The following DUS2 variants were observed in gnomAD, a reference collection of about 807,000 sequenced individuals.
The protein encoded by DUS2 is tRNA-dihydrouridine(20) synthase [NAD(P)+]-like.
Under a neutral mutation model 71.3 loss-of-function variants are expected in DUS2, and 52 were observed. The ratio of observed to expected loss-of-function variants is 0.73; its 90% CI spans 0.58 to 0.92. The LOEUF is 0.92. DUS2 is among the 40% of genes least tolerant of loss of function. DUS2 has a pLI of 0.00. For missense variants in DUS2, 558 were observed against 622.6 expected, an observed-to-expected ratio of 0.90 and a Z score of 1.10; for synonymous variants, 204 against 227.8, an observed-to-expected ratio of 0.90 and a Z score of 0.94.
rs1567484975 is a variant in DUS2, at chr16:68,078,822, CG to C, written c.1320del (p.Leu441TrpfsTer28). 6.2e-7 allele frequency: 1 copy of C among 1,613,338 alleles called. No homozygotes were observed. Reference sequence around the variant, plus strand: ...GCGGAGCCAGGGCCTCCCTGAGGGTCGGCTGGGTGAGGAGAGCCCTTCCTTG... The same window carrying C: ...GCGGAGCCAGGGCCTCCCTGAGGGTCGCTGGGTGAGGAGAGCCCTTCCTTG... The part of the protein sequence containing the change: ...CLRSQGLPEG[R>X]LGEESPSLHK... On this transcript the variant is annotated frameshift_variant, in exon 17 of 17. Coordinates refer to ENST00000565263, the MANE Select transcript of DUS2 (RefSeq NM_017803.5). LOFTEE classifies it high-confidence loss of function.
intron 2 of DUS2, among the ~76,000 whole-genome samples, chr16:68,028,554 G>C (rs564472744): frequency 1.1e-4 from 17 of 152,230 alleles, no homozygotes; most frequent in Admixed American, 4.6e-4. Context: ...CAAGAGAATT[G>C]CTTGAACCCG....
chr16:68,050,756 T>G (rs1319027012), intron 4 of DUS2, among the ~76,000 whole-genome samples: 4 of 152,212 alleles, frequency 2.6e-5, no homozygotes, highest in Non-Finnish European at 5.9e-5. Flanking sequence ...TGCCATTTAC[T>G]TATCTACTAG....
At chr16:68,078,172 C>A in intron 15 of DUS2, 1 of 484,584 alleles carries the variant, frequency 2.1e-6, no homozygotes, top group South Asian at 2.3e-5. Context: ...CCTGGCCTAT[C>A]CAGATGTCAG....
At chr16:68,049,626 G>A in intron 4 of DUS2, 76 bp downstream of exon 4, 1 of 1,379,952 alleles carries the variant, frequency 7.2e-7, no homozygotes, top group Non-Finnish European at 1.0e-6. Context: ...CCCTTGCCTG[G>A]GGTGACAGTG....
chr16:68,078,507 G>A lies in DUS2; in HGVS notation c.1233G>A (p.Gln411=), dbSNP rs1039770905. Residue 411 remains glutamine, a synonymous_variant, in exon 16 of 17, where the codon CAG becomes CAA. Coordinates refer to ENST00000565263, the MANE Select transcript of DUS2 (RefSeq NM_017803.5). ...TCACCGTTGCTGAACAAAAGTATCA[G>A]TCTACCTTGTGGTAAGTTTCCTTAT... ...SIVTVAEQKY[Q]STLWDKSKKL... The A allele has an allele frequency of 2.5e-6, 4 of 1,613,902 alleles. No homozygotes were observed. The highest frequency in any genetic ancestry group is 3.4e-6 in the Non-Finnish European group (4 of 1,180,044).
At chr16:68,032,875 C>T (rs1179753263) in intron 2 of DUS2, among the ~76,000 whole-genome samples, 8 of 136,054 alleles carry the variant, frequency 5.9e-5, no homozygotes, top group African/African-American at 2.0e-4. Context: ...CGCCACTGCA[C>T]TCCAGCCTGG....
At chr16:68,028,845 A>T (rs1296331968) in intron 2 of DUS2, among the ~76,000 whole-genome samples, 2 of 152,102 alleles carry the variant, frequency 1.3e-5, no homozygotes, top group Non-Finnish European at 2.9e-5. Context: ...AATGTGCCCG[A>T]GGCACAGCTG....
chr16:68,070,348 G>A, intron 11 of DUS2, 128 bp downstream of exon 11: 1 of 770,482 alleles, frequency 1.3e-6, no homozygotes, highest in South Asian at 1.6e-5. Context: ...CTTTCCACAA[G>A]ACCCCAGACC....
At chr16:68,026,876 A>AAAG (rs1491536888) in intron 2 of DUS2, 1 of 75,842 alleles carries the variant, frequency 1.3e-5, no homozygotes, top group Non-Finnish European at 2.4e-5. Context: ...AGTCTATCTG[A>AAAG]AAAAAAAAAA....
chr16:68,060,936 C>T (rs2033930878), intron 7 of DUS2, 130 bp from the exon 8 acceptor site: 2 of 731,910 alleles, frequency 2.7e-6, no homozygotes, highest in Admixed American at 2.2e-5. Flanking sequence ...AAAAGAAGTG[C>T]CGGTTGCCAG....
intron 2 of DUS2, among the ~76,000 whole-genome samples, chr16:68,028,819 C>G (rs1219426923): frequency 6.6e-6 from 1 of 152,114 alleles, no homozygotes; most frequent in Non-Finnish European, 1.5e-5. Context: ...GAAGCTGAGG[C>G]TCAGCTGGGT....
At chr16:68,060,039 A>G (rs1296844071) in intron 7 of DUS2, among the ~76,000 whole-genome samples, 2 of 152,204 alleles carry the variant, frequency 1.3e-5, no homozygotes, top group Non-Finnish European at 2.9e-5. Context: ...AGAAGGGCCT[A>G]GACAAGGTTT....
chr16:68,074,848 C>T (rs1471757197), intron 13 of DUS2, among the ~76,000 whole-genome samples: 1 of 152,210 alleles, frequency 6.6e-6, no homozygotes, highest in Non-Finnish European at 1.5e-5. Context: ...CCTCTTCCCA[C>T]CCTTGGCTTA....
chr16:68,054,480 T>G (rs1372038633), intron 5 of DUS2, 94 bp from the exon 6 acceptor site: 8 of 1,183,282 alleles, frequency 6.8e-6, no homozygotes, highest in Non-Finnish European at 7.4e-6. Flanking sequence ...GTGTGTGGGG[T>G]GTGTGTGTGT....
intron 7 of DUS2, among the ~76,000 whole-genome samples, chr16:68,059,755 TG>T (rs1327319875): frequency 2.0e-5 from 3 of 152,202 alleles, no homozygotes; most frequent in African/African-American, 4.8e-5. Flanking sequence ...TTATTGGAAT[TG>T]TTTTTTTTGC....
chr16:68,053,502 T>C (rs2151419914), intron 4 of DUS2, 62 bp from the exon 5 acceptor site: 1 of 1,523,286 alleles, frequency 6.6e-7, no homozygotes, highest in Non-Finnish European at 9.1e-7. Flanking sequence ...CTTCCAGGGC[T>C]TAGGCTAGCG....
In DUS2 at chr16:68,078,991, T is replaced by C. The variant is rs1181718135; in HGVS notation, c.*5T>C. ...AGCCCCCTGGAAGGCTGGTGACTAC[T>C]CTTCCTGCCTTAGTCACCCCTCCAT... On this transcript the variant is annotated 3_prime_UTR_variant, in exon 17 of 17. Transcript: ENST00000565263. 3.9e-6 allele frequency: 6 copies of C among 1,547,410 alleles called. No individual in the cohort carries two copies. The highest frequency in any genetic ancestry group is 1.4e-5 in the African/African-American group (1 of 73,000).
intron 3 of DUS2, among the ~76,000 whole-genome samples, chr16:68,041,782 C>T (rs1224478153): frequency 6.7e-6 from 1 of 149,058 alleles, no homozygotes; most frequent in Non-Finnish European, 1.5e-5. Flanking sequence ...TGCACTCCAG[C>T]CTGGGTGACA....
chr16:68,054,531 T>G, intron 5 of DUS2, 43 bp from the exon 6 acceptor site: 1 of 1,612,336 alleles, frequency 6.2e-7, no homozygotes, highest in Non-Finnish European at 8.5e-7. Context: ...TGCATGTGTA[T>G]CTGTGTCAGG....
Sources: allele counts gnomAD v4.1 joint callset (sites outside exome capture counted in the v4.1 genomes callset), GRCh38; gene constraint gnomAD v4.1.1; transcripts MANE v1.5; gene names NCBI Gene and HGNC (gene_info 2026-07-23, HGNC 2026-07-21).